RAB9B: variants seen among roughly 807,000 people sequenced by gnomAD.
The protein encoded by RAB9B is ras-related protein Rab-9B.
In RAB9B, 1 loss-of-function variant was observed where a neutral mutation model predicts 8.9. That is an observed-to-expected ratio of 0.11 (90% CI 0.04 to 0.53). The LOEUF (loss-of-function observed/expected upper bound fraction) is 0.53, where lower values mean the gene tolerates loss of function less well. RAB9B is among the 20% of genes least tolerant of loss of function. The pLI is 0.93. For missense variants in RAB9B, 82 were observed against 152.9 expected, an observed-to-expected ratio of 0.54 and a Z score of 2.45; for synonymous variants, 63 against 57.0, an observed-to-expected ratio of 1.10 and a Z score of -0.47.
the RAB9B span, among the ~76,000 whole-genome samples, chrX:103,810,084 A>C: frequency 1.8e-5 from 2 of 111,579 alleles, no homozygotes; most frequent in Non-Finnish European, 3.8e-5. Flanking sequence ...AGTGAGACAC[A>C]ATAGAATTTT....
At chrX:103,814,295 G>A in the RAB9B span, among the ~76,000 whole-genome samples, 5 of 111,693 alleles carry the variant, frequency 4.5e-5, no homozygotes, top group Admixed American at 9.5e-5. Context: ...ACTCAAAACC[G>A]CACAACTACA....
At chrX:103,794,488 C>T in the RAB9B span, among the ~76,000 whole-genome samples, 3 of 111,515 alleles carry the variant, frequency 2.7e-5, no homozygotes, top group Admixed American at 2.9e-4. Flanking sequence ...GCTATTCAGT[C>T]TGGCCTTTTG....
chrX:103,806,801 G>C, the RAB9B span, among the ~76,000 whole-genome samples: 1 of 110,253 alleles, frequency 9.1e-6, no homozygotes, highest in Non-Finnish European at 1.9e-5. Context: ...ATATGGGATA[G>C]ATTTTTGAAG....
the RAB9B span, among the ~76,000 whole-genome samples, chrX:103,798,599 A>T: frequency 9.1e-6 from 1 of 109,330 alleles, no homozygotes; most frequent in African/African-American, 3.3e-5. Context: ...TGACTATCAA[A>T]TTTTCACTCT....
At chrX:103,816,928 C>A in the RAB9B span, among the ~76,000 whole-genome samples, 4 of 112,287 alleles carry the variant, frequency 3.6e-5, no homozygotes, top group African/African-American at 9.7e-5. Flanking sequence ...AGTTAGGAAA[C>A]AACAGATGCT....
chrX:103,805,728 T>C, the RAB9B span, among the ~76,000 whole-genome samples: 1 of 108,692 alleles, frequency 9.2e-6, no homozygotes, highest in East Asian at 2.9e-4. Flanking sequence ...ATTTAATTTG[T>C]TTACTAGGTT....
chrX:103,817,387 A>G (rs1172500439), downstream of RAB9B, among the ~76,000 whole-genome samples: 1 of 110,663 alleles, frequency 9.0e-6, no homozygotes, highest in Non-Finnish European at 1.9e-5. Context: ...CAATAAGAAC[A>G]CGTGGACACA....
chrX:103,811,682 C>A, the RAB9B span, among the ~76,000 whole-genome samples: 1 of 106,091 alleles, frequency 9.4e-6, no homozygotes, highest in African/African-American at 3.3e-5. Flanking sequence ...GGACAAAGAG[C>A]CATGCCATCA....
At chrX:103,798,286 T>A in the RAB9B span, among the ~76,000 whole-genome samples, 1 of 112,311 alleles carries the variant, frequency 8.9e-6, no homozygotes, top group South Asian at 3.6e-4. Flanking sequence ...TTTTAAAATA[T>A]GTTTTATTTG....
In RAB9B at chrX:103,822,625, C is replaced by T. The variant is rs1271724336; in HGVS notation, c.*2554G>A. 2 of 111,219 alleles carry T rather than the reference C, an allele frequency of 1.8e-5. No homozygotes were observed. Among genetic ancestry groups the T allele is most frequent in the East Asian group, 2.8e-4 (1 of 3,580 alleles). 9.2% of individuals were successfully genotyped at this position (111,219 alleles called of 1,213,427 possible). A position where few individuals can be genotyped will look rare whatever the true frequency, so the allele number is the denominator to read the frequency against. On this transcript the variant is annotated 3_prime_UTR_variant, in exon 3 of 3. Coordinates refer to ENST00000243298, the MANE Select transcript of RAB9B (RefSeq NM_016370.4). ...CAGACCATTGAAAAACAGTATAGTC[C>T]TAATTAGAAATATATTATTCCAAAA...
chrX:103,823,592 G>C lies in RAB9B; in HGVS notation c.*1587C>G. 9.0e-6 allele frequency: 1 copy of C among 111,714 alleles called. No homozygotes were observed. The highest frequency in any genetic ancestry group is 2.8e-4 in the East Asian group (1 of 3,604). The allele number at this position is 111,714 out of a possible 1,213,427, so 9.2% of individuals were successfully genotyped here. ...TCTGTCTGTCACTATTTTTATCATA[G>C]ATGTTTTAAAGTACAGATTAAAATC... On this transcript the variant is annotated 3_prime_UTR_variant, in exon 3 of 3. Transcript: ENST00000243298.
chrX:103,789,196 G>C, the RAB9B span: 7 of 556,945 alleles, frequency 1.3e-5, no homozygotes, highest in African/African-American at 1.3e-4. Context: ...ATTTAGGGAA[G>C]TGAAAACTTA....
chrX:103,809,218 G>T, the RAB9B span, among the ~76,000 whole-genome samples: 2 of 112,313 alleles, frequency 1.8e-5, no homozygotes, highest in Non-Finnish European at 3.8e-5. Context: ...GTGGCCATCT[G>T]CAAGCTAGTA....
chrX:103,785,982 C>A, the RAB9B span: 2 of 549,589 alleles, frequency 3.6e-6, no homozygotes, highest in Admixed American at 3.8e-5. Context: ...GCCCCTCCCA[C>A]CCCCGCCCCC....
the RAB9B span, chrX:103,786,217 T>C: frequency 6.1e-6 from 7 of 1,139,554 alleles, no homozygotes; most frequent in South Asian, 1.3e-4. Flanking sequence ...AGGTCCCTGG[T>C]TCTCCAGGTC....
At chrX:103,807,492 C>G in the RAB9B span, among the ~76,000 whole-genome samples, 1 of 112,169 alleles carries the variant, frequency 8.9e-6, no homozygotes, top group African/African-American at 3.2e-5. Flanking sequence ...CCCCAGCCCC[C>G]ACTCCTCCCA....
chrX:103,790,158 G>A, the RAB9B span, among the ~76,000 whole-genome samples: 1 of 112,453 alleles, frequency 8.9e-6, no homozygotes. Flanking sequence ...GCATGATGTG[G>A]CTGTGTGTCT....
intron 1 of RAB9B, among the ~76,000 whole-genome samples, chrX:103,827,471 T>C (rs2074687602): frequency 1.8e-5 from 2 of 111,181 alleles, no homozygotes; most frequent in South Asian, 7.5e-4. Context: ...ACTTCTTCCT[T>C]TTATACCTAC....
the RAB9B span, among the ~76,000 whole-genome samples, chrX:103,803,444 A>T: frequency 4.4e-5 from 5 of 112,587 alleles, no homozygotes; most frequent in African/African-American, 6.4e-5. Flanking sequence ...CATTTCCCTG[A>T]TGACTAATGA....
Sources: gnomAD v4.1 joint callset for allele counts (sites outside exome capture counted in the v4.1 genomes callset) on GRCh38, gnomAD v4.1.1 for gene constraint, MANE v1.5 for transcripts, NCBI Gene and HGNC (gene_info 2026-07-23, HGNC 2026-07-21) for gene names.